Variants in NRG1 observed in about 807,000 individuals in gnomAD.
The protein encoded by NRG1 is pro-neuregulin-1, membrane-bound isoform.
In NRG1, 18 loss-of-function variants were observed where a neutral mutation model predicts 63.8. That is an observed-to-expected ratio of 0.28 (90% confidence interval 0.19 to 0.42). The LOEUF is 0.42. Among genes scored for constraint, NRG1 ranks in the 10% least tolerant of loss-of-function variants. NRG1 has a pLI of 1.00. For missense variants in NRG1, 762 were observed against 814.7 expected, an observed-to-expected ratio of 0.94 and a Z score of 0.79; for synonymous variants, 302 against 301.3, an observed-to-expected ratio of 1.00 and a Z score of -0.02.
At chr8:32,460,866 G>T (rs544216422) in intron 1 of NRG1, among the ~76,000 whole-genome samples, 1 of 151,804 alleles carries the variant, frequency 6.6e-6, no homozygotes, top group East Asian at 1.9e-4. Flanking sequence ...CCAACCACTC[G>T]TTCTATCCAC....
chr8:32,174,916 G>C (rs1840527963), intron 1 of NRG1, among the ~76,000 whole-genome samples: 1 of 152,160 alleles, frequency 6.6e-6, no homozygotes, highest in African/African-American at 2.4e-5. Flanking sequence ...GGAGGAGCTG[G>C]TACCATTCCT....
intron 1 of NRG1, among the ~76,000 whole-genome samples, chr8:31,853,017 T>G (rs975517273): frequency 6.6e-6 from 1 of 151,960 alleles, no homozygotes; most frequent in Non-Finnish European, 1.5e-5. Flanking sequence ...ACTGTAGCCT[T>G]GTAGTATAGT....
Position 31,805,698 on chromosome 8 carries a change from G to A in NRG1, c.37+166267G>A, listed in dbSNP as rs1458950462. On this transcript the variant is annotated intron_variant, in intron 1 of 10. Coordinates refer to the NRG1 transcript ENST00000519301. ...AAAAAGTTAGCCAGGTGTGGTGGCG[G>A]GTGCCTGTAGTCCCAGCCACTCGGG... is the stretch of plus-strand genomic sequence containing the variant. Among the ~76,000 whole-genome samples the A allele has an allele frequency of 2.6e-5, 4 of 151,700 alleles. 1 individual carries two copies. The highest frequency in any genetic ancestry group is 4.2e-4 in the South Asian group (2 of 4,790).
chr8:31,672,841 A>G (rs893824064), intron 1 of NRG1, among the ~76,000 whole-genome samples: 2 of 152,128 alleles, frequency 1.3e-5, no homozygotes, highest in African/African-American at 2.4e-5. Flanking sequence ...ATCCCTTTAA[A>G]TGATTAAGCA....
chr8:31,849,122 T>C (rs920789454), intron 1 of NRG1, among the ~76,000 whole-genome samples: 1 of 152,202 alleles, frequency 6.6e-6, no homozygotes, highest in African/African-American at 2.4e-5. Context: ...TGATAATCTA[T>C]ATGCCCATTT....
rs764352331 is a variant in NRG1, at chr8:32,764,146, T to C, written c.1658T>C (p.Ile553Thr). 28 of 1,613,838 alleles carry C rather than the reference T, an allele frequency of 1.7e-5. No homozygotes were observed. In the Admixed American group the frequency reaches 3.8e-4, roughly 22 times the overall value. The change falls in exon 12 of 12, where the codon ATT (isoleucine) becomes ACT (threonine). Residue 553 changes from isoleucine to threonine, a missense_variant. Around this residue, in one of 3 missense-constraint regions of NRG1, gnomAD observed 503 missense variants for 506.8 expected, o/e 0.99. Transcript: ENST00000356819. ...AAAAGAACCAAGCCCAATGGCCACA[T>C]TGCTAACAGATTGGAAGTGGACAGC...
intron 1 of NRG1, among the ~76,000 whole-genome samples, chr8:32,403,358 G>A (rs1002619036): frequency 1.7e-4 from 26 of 150,618 alleles, no homozygotes; most frequent in Non-Finnish European, 2.4e-4. Flanking sequence ...AACACCTACT[G>A]TGTGCAAGGC....
At chr8:31,818,442 C>T (rs998979706) in intron 1 of NRG1, among the ~76,000 whole-genome samples, 1 of 152,066 alleles carries the variant, frequency 6.6e-6, no homozygotes, top group Admixed American at 6.6e-5. Flanking sequence ...GCACCAGGAA[C>T]CAGTATCATG....
At chr8:32,236,829 A>C (rs1847611898) in intron 1 of NRG1, among the ~76,000 whole-genome samples, 1 of 152,192 alleles carries the variant, frequency 6.6e-6, no homozygotes, top group South Asian at 2.1e-4. Context: ...TAATGTGAAC[A>C]TTCTGGCAGT....
intron 1 of NRG1, among the ~76,000 whole-genome samples, chr8:31,859,458 C>T (rs543157034): frequency 6.9e-4 from 105 of 152,200 alleles, no homozygotes; most frequent in Non-Finnish European, 1.2e-3. Flanking sequence ...GAAGCTCGTT[C>T]GTAAACCATC....
At chr8:32,756,352 A>G (rs988998100) in intron 8 of NRG1, 51 bp from the exon 9 acceptor site, 6 of 1,589,324 alleles carry the variant, frequency 3.8e-6, no homozygotes, top group Non-Finnish European at 4.3e-6. Flanking sequence ...TGGCTCTACT[A>G]TGAAATGAAA....
chr8:31,892,209 A>C (rs918452617), intron 1 of NRG1, among the ~76,000 whole-genome samples: 1 of 152,160 alleles, frequency 6.6e-6, no homozygotes, highest in African/African-American at 2.4e-5. Flanking sequence ...AGTCTCATTT[A>C]AAAATTTGAT....
At chr8:32,386,123 AC>A in intron 1 of NRG1, among the ~76,000 whole-genome samples, 1 of 152,086 alleles carries the variant, frequency 6.6e-6, no homozygotes, top group East Asian at 1.9e-4. Context: ...TTATTTAGAG[AC>A]AGAGTCTCAC....
At chr8:32,753,139 C>T (rs181281488) in intron 7 of NRG1, among the ~76,000 whole-genome samples, 253 of 152,274 alleles carry the variant, frequency 1.7e-3, no homozygotes, top group African/African-American at 5.8e-3. Context: ...CAGTATTCCC[C>T]AGTTCTTGAC....
chr8:31,831,930 G>A (rs1351678078), intron 1 of NRG1, among the ~76,000 whole-genome samples: 1 of 152,072 alleles, frequency 6.6e-6, no homozygotes, highest in Admixed American at 6.5e-5. Flanking sequence ...TACAAAGGAT[G>A]ACAATGACCA....
intron 1 of NRG1, among the ~76,000 whole-genome samples, chr8:32,411,343 GGAA>G (rs1814917534): frequency 6.6e-6 from 1 of 152,196 alleles, no homozygotes; most frequent in Non-Finnish European, 1.5e-5. Flanking sequence ...ACACAAAATA[GGAA>G]GAAGTAGAGT....
intron 1 of NRG1, among the ~76,000 whole-genome samples, chr8:32,035,208 G>C (rs914839561): frequency 1.3e-5 from 2 of 151,960 alleles, no homozygotes; most frequent in South Asian, 4.2e-4. Context: ...TATCTACCCA[G>C]GTGTCATTCA....
At chr8:32,044,672 C>T (rs1162311801) in intron 1 of NRG1, among the ~76,000 whole-genome samples, 2 of 151,128 alleles carry the variant, frequency 1.3e-5, no homozygotes. Flanking sequence ...GAAAAAAATT[C>T]CGAACAGTTT....
At chr8:31,732,772 G>A (rs1563339265) in intron 1 of NRG1, among the ~76,000 whole-genome samples, 2 of 152,076 alleles carry the variant, frequency 1.3e-5, no homozygotes, top group Admixed American at 6.6e-5. Flanking sequence ...ATGCGCCCCT[G>A]TAATCTCAGC....
Sources: gnomAD v4.1 joint callset for allele counts (sites outside exome capture counted in the v4.1 genomes callset) on GRCh38, gnomAD v4.1.1 for gene constraint, gnomAD v4.1.1 regional missense constraint, MANE v1.5 for transcripts, NCBI Gene and HGNC (gene_info 2026-07-23, HGNC 2026-07-21) for gene names.